Variants in ADGRB3 observed in about 807,000 individuals in gnomAD.
ADGRB3 encodes the protein brain-specific angiogenesis inhibitor 3.
In ADGRB3, 37 loss-of-function variants were observed where a neutral mutation model predicts 193.4. That is an observed-to-expected ratio of 0.19 (90% CI 0.15 to 0.25). ADGRB3 has a LOEUF of 0.25. Ranked by LOEUF, ADGRB3 falls within the 10% of genes least tolerant of loss-of-function variation. The pLI is 1.00. For missense variants in ADGRB3, 1,637 were observed against 1,852.9 expected (o/e 0.88, Z 2.14); for synonymous variants, 690 against 644.2 (o/e 1.07, Z -1.08).
intron 3 of ADGRB3, among the ~76,000 whole-genome samples, chr6:68,744,212 C>CT (rs575301976): frequency 6.6e-6 from 1 of 151,794 alleles, no homozygotes; most frequent in Non-Finnish European, 1.5e-5. Flanking sequence ...AAAAACAGAA[C>CT]TTTTTTTAAT....
chr6:69,332,218 A>C, intron 23 of ADGRB3: 2 of 985,372 alleles, frequency 2.0e-6, no homozygotes, highest in South Asian at 9.4e-5. Flanking sequence ...AAAAAGGAAA[A>C]ATATGTGTGA....
chr6:69,169,513 T>G lies in ADGRB3; in HGVS notation c.2481-63777T>G, dbSNP rs144034034. On this transcript the variant is annotated intron_variant, in intron 17 of 31. Coordinates refer to ENST00000370598, the MANE Select transcript of ADGRB3 (RefSeq NM_001704.3). The stretch of plus-strand genomic sequence containing the variant: ...AAAGTAATTACAAATTATAATTAAA[T>G]TATATAATTATCATAATTAAATTAT... Among the ~76,000 whole-genome samples the G allele has an allele frequency of 2.7e-3, 412 of 149,858 alleles. 2 individuals carry two copies. The highest frequency in any genetic ancestry group is 9.2e-3 in the African/African-American group (380 of 41,178).
In ADGRB3 at chr6:69,371,883, G is replaced by A. The variant is rs975688045; in HGVS notation, c.4240-523G>A. On this transcript the variant is annotated intron_variant, in intron 29 of 31. Transcript: ENST00000370598. ...TGAGAAGGACTTTTCTGTCATGGAG[G>A]ACTATCAAATTACAAGAAATATGTG... Among the ~76,000 whole-genome samples, 30 of 152,090 alleles carry A rather than the reference G, an allele frequency of 2.0e-4. 1 individual carries two copies. Among genetic ancestry groups the A allele is most frequent in the African/African-American group, 7.0e-4 (29 of 41,434 alleles).
At chr6:68,933,999 A>T (rs1767419323) in intron 4 of ADGRB3, among the ~76,000 whole-genome samples, 1 of 152,166 alleles carries the variant, frequency 6.6e-6, no homozygotes, top group Non-Finnish European at 1.5e-5. Context: ...AATATTTTTA[A>T]CATCTTTCTT....
chr6:68,815,956 T>C (rs1410558493), intron 3 of ADGRB3, among the ~76,000 whole-genome samples: 1 of 151,980 alleles, frequency 6.6e-6, no homozygotes, highest in African/African-American at 2.4e-5. Flanking sequence ...GGAAGGTATC[T>C]TACAACATAC....
chr6:68,779,515 A>T (rs77551718), intron 3 of ADGRB3, among the ~76,000 whole-genome samples: 14,543 of 151,978 alleles, frequency 0.096, 913 homozygotes, highest in Middle Eastern at 0.27. Context: ...ATAAACCACT[A>T]CTGCAGGGAG....
intron 20 of ADGRB3, among the ~76,000 whole-genome samples, chr6:69,270,942 A>G (rs2127279097): frequency 6.6e-6 from 1 of 152,314 alleles, no homozygotes; most frequent in African/African-American, 2.4e-5. Flanking sequence ...AACCCATTGA[A>G]TTGGTAGTAT....
chr6:68,724,843 G>A (rs1765645911), intron 3 of ADGRB3, among the ~76,000 whole-genome samples: 1 of 151,618 alleles, frequency 6.6e-6, no homozygotes, highest in African/African-American at 2.4e-5. Context: ...ATAAATGAGA[G>A]CAAGACATGG....
At chr6:69,123,174 G>T (rs1180268067) in intron 17 of ADGRB3, among the ~76,000 whole-genome samples, 1 of 151,812 alleles carries the variant, frequency 6.6e-6, no homozygotes, top group African/African-American at 2.4e-5. Context: ...GCACAATATG[G>T]GTTAACACAA....
intron 16 of ADGRB3, among the ~76,000 whole-genome samples, chr6:69,069,115 C>T (rs746161336): frequency 1.3e-5 from 2 of 152,106 alleles, no homozygotes; most frequent in Non-Finnish European, 2.9e-5. Flanking sequence ...ACATAAGACC[C>T]AGACTTAGCT....
chr6:68,969,929 GT>G (rs1768508992), intron 8 of ADGRB3, among the ~76,000 whole-genome samples: 1 of 152,142 alleles, frequency 6.6e-6, no homozygotes. Flanking sequence ...GGCTGCCCAT[GT>G]GGCCCTATAG....
intron 3 of ADGRB3, among the ~76,000 whole-genome samples, chr6:68,901,776 CAA>C (rs1241779951): frequency 4.0e-5 from 6 of 151,798 alleles, no homozygotes; most frequent in African/African-American, 1.5e-4. Flanking sequence ...AAGCAGAGAA[CAA>C]AATTATGCAA....
In ADGRB3 at chr6:68,999,620, T is replaced by G. The variant is rs146658208; in HGVS notation, c.1929+5658T>G. On this transcript the variant is annotated intron_variant, in intron 11 of 31. Coordinates refer to ENST00000370598, the MANE Select transcript of ADGRB3 (RefSeq NM_001704.3). Reference sequence around the variant, plus strand: ...CTTTAAGATCCAGCTTAAAGATATCTTTTGTTGTTGTTGTTCTCAAAAGTC... The same window carrying G: ...CTTTAAGATCCAGCTTAAAGATATCGTTTGTTGTTGTTGTTCTCAAAAGTC... 1.2e-3 allele frequency among the ~76,000 whole-genome samples: 179 copies of G among 152,356 alleles called. 2 individuals carry two copies. Among genetic ancestry groups the G allele is most frequent in the African/African-American group, 4.1e-3 (171 of 41,584 alleles).
At chr6:68,891,295 G>A (rs531020962) in intron 3 of ADGRB3, among the ~76,000 whole-genome samples, 99 of 152,220 alleles carry the variant, frequency 6.5e-4, no homozygotes, top group African/African-American at 2.3e-3. Context: ...TGAGGTTTGG[G>A]TGGGGACACA....
chr6:68,933,470 G>GTAAT (rs1460893754), intron 4 of ADGRB3, among the ~76,000 whole-genome samples: 1 of 152,112 alleles, frequency 6.6e-6, no homozygotes, highest in East Asian at 1.9e-4. Flanking sequence ...GCGCACACCT[G>GTAAT]TAATCTCAGC....
chr6:69,219,945 A>T (rs1765857667), intron 17 of ADGRB3, among the ~76,000 whole-genome samples: 1 of 152,064 alleles, frequency 6.6e-6, no homozygotes, highest in Non-Finnish European at 1.5e-5. Context: ...CCTGGGTTTT[A>T]TATTAGTGAT....
At chr6:68,885,426 G>C (rs575449039) in intron 3 of ADGRB3, among the ~76,000 whole-genome samples, 1 of 152,016 alleles carries the variant, frequency 6.6e-6, no homozygotes, top group African/African-American at 2.4e-5. Flanking sequence ...TTACATTTGT[G>C]GAATGATTAA....
At chr6:69,095,846 G>A (rs1348584289) in intron 17 of ADGRB3, among the ~76,000 whole-genome samples, 1 of 152,044 alleles carries the variant, frequency 6.6e-6, no homozygotes, top group Non-Finnish European at 1.5e-5. Flanking sequence ...TTGCTTGTTT[G>A]TACTGTTGTA....
At chr6:68,795,857 A>T (rs555002218) in intron 3 of ADGRB3, among the ~76,000 whole-genome samples, 106 of 152,244 alleles carry the variant, frequency 7.0e-4, no homozygotes, top group Non-Finnish European at 1.2e-3. Context: ...GTTTCATTTT[A>T]AAAAGTTTTT....
Sources: allele counts gnomAD v4.1 joint callset (sites outside exome capture counted in the v4.1 genomes callset), GRCh38; gene constraint gnomAD v4.1.1; transcripts MANE v1.5; gene names NCBI Gene and HGNC (gene_info 2026-07-23, HGNC 2026-07-21).